The following COL6A5 variants were observed in gnomAD, a reference collection of about 807,000 sequenced individuals.
The protein encoded by COL6A5 is collagen type VI alpha 5 chain.
A neutral mutation model predicts 65.6 loss-of-function variants in COL6A5; 48 were observed. The ratio of observed to expected loss-of-function variants is 0.73; its 90% CI spans 0.58 to 0.93. The LOEUF is 0.93. Ranked by LOEUF, COL6A5 falls within the 40% of genes least tolerant of loss-of-function variation. The pLI is 0.00. For synonymous variants in COL6A5, 291 were observed against 322.8 expected (o/e 0.90, Z 1.05); for missense variants, 914 against 928.3 (o/e 0.98, Z 0.20).
chr3:130,414,242 T>C, intron 22 of COL6A5, 111 bp downstream of exon 22: 1 of 844,906 alleles, frequency 1.2e-6, no homozygotes, highest in Non-Finnish European at 1.9e-6. Flanking sequence ...CCCCCTGCCC[T>C]ATTTTGCATT....
At chr3:130,385,837 G>A (rs946711227) in intron 5 of COL6A5, among the ~76,000 whole-genome samples, 1 of 152,010 alleles carries the variant, frequency 6.6e-6, no homozygotes, top group Non-Finnish European at 1.5e-5. Context: ...TTTATAAAAT[G>A]AGGATAATAC....
intron 1 of COL6A5, 59 bp downstream of exon 33, chr3:130,432,008 G>GTATT (rs1297079932): frequency 1.3e-6 from 2 of 1,503,990 alleles, no homozygotes; most frequent in African/African-American, 1.4e-5. Flanking sequence ...ATTGTGATAG[G>GTATT]GCAGGATGGG....
chr3:130,474,642 A>G (rs970530045), intron 7 of COL6A5, among the ~76,000 whole-genome samples: 2 of 152,106 alleles, frequency 1.3e-5, no homozygotes. Context: ...TTAGAAGTAA[A>G]AAATACAATA....
At chr3:130,432,356 C>T (rs182684220) in intron 1 of COL6A5, among the ~76,000 whole-genome samples, 2 of 152,018 alleles carry the variant, frequency 1.3e-5, no homozygotes, top group Non-Finnish European at 2.9e-5. Context: ...AGATCGAGAC[C>T]ATCCTGGCCA....
At chr3:130,354,759 G>T (rs914942074) in intron 1 of COL6A5, among the ~76,000 whole-genome samples, 7 of 152,144 alleles carry the variant, frequency 4.6e-5, no homozygotes, top group Non-Finnish European at 8.8e-5. Flanking sequence ...ACTCTGGGAT[G>T]GAAGGCCATG....
rs775593689 is a variant in COL6A5, at chr3:130,440,301, C to G, written c.719C>G (p.Ser240Ter). Residue 240 changes from serine to a stop codon, truncating the protein, a stop_gained, in exon 3 of 8, where the codon TCA becomes TGA. Coordinates refer to ENST00000512836, the Ensembl canonical transcript of COL6A5. LOFTEE classifies it high-confidence loss of function. Reference sequence around the variant, plus strand: ...AAGGCTGTGAAAGCCTTGGTGAGCTCAGTGATTGACAACTTCAACATTGCT... The same window carrying G: ...AAGGCTGTGAAAGCCTTGGTGAGCTGAGTGATTGACAACTTCAACATTGCT... 9.5e-5 allele frequency: 154 copies of G among 1,613,204 alleles called. No individual in the cohort carries two copies. Among genetic ancestry groups the G allele is most frequent in the Non-Finnish European group, 1.2e-4 (146 of 1,179,672 alleles).
At chr3:130,352,958 A>T (rs1191217008) in intron 1 of COL6A5, among the ~76,000 whole-genome samples, 1 of 152,202 alleles carries the variant, frequency 6.6e-6, no homozygotes, top group Non-Finnish European at 1.5e-5. Flanking sequence ...CTTGCCTCAT[A>T]TAGAAATTGT....
intron 1 of COL6A5, among the ~76,000 whole-genome samples, chr3:130,360,535 G>A (rs921105895): frequency 6.6e-5 from 10 of 152,072 alleles, no homozygotes; most frequent in African/African-American, 1.2e-4. Flanking sequence ...GTTTTATTAC[G>A]TCTCTAGGGA....
At chr3:130,462,960 T>C (rs996217983) in intron 5 of COL6A5, among the ~76,000 whole-genome samples, 2 of 152,052 alleles carry the variant, frequency 1.3e-5, no homozygotes, top group Admixed American at 1.3e-4. Context: ...CTACCACTTA[T>C]CAGCCATCCT....
intron 17 of COL6A5, among the ~76,000 whole-genome samples, chr3:130,408,530 C>T (rs1937074962): frequency 1.3e-5 from 2 of 152,138 alleles, no homozygotes; most frequent in South Asian, 4.1e-4. Flanking sequence ...TCTAGTTTCG[C>T]CCTGGCCTTG....
intron 22 of COL6A5, among the ~76,000 whole-genome samples, chr3:130,415,160 T>C (rs1254329772): frequency 6.6e-6 from 1 of 152,120 alleles, no homozygotes; most frequent in Non-Finnish European, 1.5e-5. Context: ...CTGTGTGAGA[T>C]AACCGCATGA....
At chr3:130,378,241 C>A (rs1158021157) in intron 3 of COL6A5, among the ~76,000 whole-genome samples, 1 of 152,038 alleles carries the variant, frequency 6.6e-6, no homozygotes, top group Non-Finnish European at 1.5e-5. Context: ...GAACACAAAT[C>A]CCCCCTGTAA....
intron 2 of COL6A5, 137 bp downstream of exon 2, chr3:130,373,842 C>A: frequency 1.6e-6 from 1 of 625,246 alleles, no homozygotes; most frequent in Non-Finnish European, 2.8e-6. Flanking sequence ...CAACATCAAA[C>A]AAACTTAACT....
rs1470443208 is a variant in COL6A5 at position 130,379,903 on chromosome 3, G to C, written c.1153G>C (p.Val385Leu). Residue 385 changes from valine to leucine, a missense_variant and NMD_transcript_variant, in exon 4 of 42, where the codon GTG (valine) becomes CTG (leucine). Coordinates refer to the COL6A5 transcript ENST00000312481. ...TAACAATACCCAGTTAGAAGAAATA[G>C]TGTCTTATCCTCCAGAACAGACAAT... The C allele has an allele frequency of 5.2e-6, 8 of 1,551,238 alleles. No homozygotes were observed. In the Admixed American group the frequency reaches 1.6e-4, roughly 30 times the overall value.
At chr3:130,448,663 A>G (rs1452897522) in intron 4 of COL6A5, among the ~76,000 whole-genome samples, 2 of 152,150 alleles carry the variant, frequency 1.3e-5, no homozygotes, top group African/African-American at 2.4e-5. Context: ...GCAGCAATTA[A>G]AATATCATCA....
chr3:130,432,127 A>G (rs1559900249), intron 1 of COL6A5, among the ~76,000 whole-genome samples, 178 bp downstream of exon 33: 1 of 152,204 alleles, frequency 6.6e-6, no homozygotes, highest in Non-Finnish European at 1.5e-5. Context: ...TAATAACAAC[A>G]GTCAATGATA....
At chr3:130,413,769 C>T (rs1937254163) in intron 21 of COL6A5, among the ~76,000 whole-genome samples, 189 bp downstream of exon 21, 1 of 151,698 alleles carries the variant, frequency 6.6e-6, no homozygotes, top group Non-Finnish European at 1.5e-5. Context: ...TAAGGAAAAG[C>T]CTCCCTGATA....
chr3:130,461,763 CT>C (rs112604546), intron 5 of COL6A5, among the ~76,000 whole-genome samples: 21,547 of 147,678 alleles, frequency 0.15, 2,433 homozygotes, highest in East Asian at 0.38. Flanking sequence ...TTTAAATTAA[CT>C]TTTTTTTTTT....
intron 13 of COL6A5, 130 bp from the exon 14 acceptor site, chr3:130,405,458 T>G: frequency 1.7e-6 from 1 of 597,408 alleles, no homozygotes; most frequent in Non-Finnish European, 3.0e-6. Flanking sequence ...TTGAATCCTT[T>G]TTGAAGAGGA....
Sources: allele counts gnomAD v4.1 joint callset (sites outside exome capture counted in the v4.1 genomes callset), GRCh38; gene constraint gnomAD v4.1.1; transcripts MANE v1.5; gene names NCBI Gene and HGNC (gene_info 2026-07-23, HGNC 2026-07-21).